Variants in TRDN observed in about 807,000 individuals in gnomAD.
TRDN encodes triadin in skeletal muscle.
Under a neutral mutation model 149.7 loss-of-function variants are expected in TRDN, and 161 were observed. That is an observed-to-expected ratio of 1.08 (90% CI 0.95 to 1.23). The LOEUF (loss-of-function observed/expected upper bound fraction) is 1.23, where lower values mean the gene tolerates loss of function less well. Among genes scored for constraint, TRDN ranks in the 50% most tolerant of loss-of-function variants. TRDN has a pLI of 0.00. For synonymous variants in TRDN, 294 were observed against 250.5 expected, an observed-to-expected ratio of 1.17 and a Z score of -1.64; for missense variants, 896 against 823.5, an observed-to-expected ratio of 1.09 and a Z score of -1.08.
chr6:123,624,387 T>A (rs527687347), intron 1 of TRDN, among the ~76,000 whole-genome samples: 1 of 152,270 alleles, frequency 6.6e-6, no homozygotes, highest in East Asian at 1.9e-4. Context: ...TCTGGTCTAC[T>A]TAATTCAAGA....
chr6:123,231,020 C>G (rs1363312087), intron 38 of TRDN, among the ~76,000 whole-genome samples: 4 of 151,898 alleles, frequency 2.6e-5, no homozygotes, highest in African/African-American at 9.7e-5. Context: ...GAACTTTGAG[C>G]CCCAAAGTAT....
chr6:123,315,244 T>C (rs528845856), intron 24 of TRDN, among the ~76,000 whole-genome samples: 60 of 152,078 alleles, frequency 3.9e-4, no homozygotes, highest in African/African-American at 1.3e-3. Flanking sequence ...TTTTTCCTTT[T>C]CTGAAGATAT....
chr6:123,586,700 G>A (rs1783504795), intron 1 of TRDN, among the ~76,000 whole-genome samples: 1 of 151,958 alleles, frequency 6.6e-6, no homozygotes, highest in Non-Finnish European at 1.5e-5. Flanking sequence ...GAGGTTTTAA[G>A]TTCTTAAGAA....
In TRDN at chr6:123,565,660, T is replaced by A. The variant is rs1285940913; in HGVS notation, c.232+5263A>T. ...CCATTATTTATTGTCTGAAGGTTGG[T>A]GTAGGGCAGGTGCTTTTGCAGCTCA... is the stretch of plus-strand genomic sequence containing the variant. On this transcript the variant is annotated intron_variant, in intron 2 of 40. Transcript: ENST00000334268. Among the ~76,000 whole-genome samples, 5 of 152,188 alleles carry A rather than the reference T, an allele frequency of 3.3e-5. No individual in the cohort carries two copies. The South Asian group carries it at 8.3e-4, about 25-fold the overall frequency.
chr6:123,562,682 T>A (rs1270827641), intron 2 of TRDN, among the ~76,000 whole-genome samples: 1 of 152,066 alleles, frequency 6.6e-6, no homozygotes, highest in African/African-American at 2.4e-5. Context: ...AAATAAAGGG[T>A]AGGATGCAAA....
At chr6:123,469,804 C>T (rs1351863582) in intron 9 of TRDN, 3 of 152,276 alleles carry the variant, frequency 2.0e-5, no homozygotes, top group East Asian at 1.9e-4. Flanking sequence ...AAGGCAGATG[C>T]GTAGAGAGAC....
intron 30 of TRDN, 62 bp from the exon 31 acceptor site, chr6:123,269,928 T>C: frequency 6.6e-7 from 1 of 1,511,664 alleles, no homozygotes; most frequent in Non-Finnish European, 9.0e-7. Context: ...AAAAAATAAC[T>C]GTTTAGTATT....
intron 12 of TRDN, among the ~76,000 whole-genome samples, chr6:123,413,429 A>G (rs903754763): frequency 3.3e-5 from 5 of 152,234 alleles, no homozygotes; most frequent in African/African-American, 1.2e-4. Flanking sequence ...GTGAAATACC[A>G]GAAAGTACTG....
chr6:123,281,369 G>C (rs981504239), intron 24 of TRDN, among the ~76,000 whole-genome samples: 1 of 151,982 alleles, frequency 6.6e-6, no homozygotes, highest in African/African-American at 2.4e-5. Flanking sequence ...CCCACCTACT[G>C]CTCTTAACAT....
intron 38 of TRDN, among the ~76,000 whole-genome samples, chr6:123,238,421 G>A (rs1775867753): frequency 6.6e-6 from 1 of 152,076 alleles, no homozygotes; most frequent in South Asian, 2.1e-4. Flanking sequence ...TGGTTAAAAT[G>A]TAAGGATAAT....
intron 38 of TRDN, among the ~76,000 whole-genome samples, chr6:123,236,288 TA>T (rs1202975893): frequency 2.6e-5 from 4 of 152,228 alleles, no homozygotes; most frequent in African/African-American, 9.6e-5. Context: ...TTCTGGCTCT[TA>T]TTTGCTATTC....
chr6:123,313,723 A>G (rs527337872), intron 24 of TRDN, among the ~76,000 whole-genome samples: 5 of 152,020 alleles, frequency 3.3e-5, no homozygotes, highest in East Asian at 1.9e-4. Context: ...CACACCTACA[A>G]CTATCTGATC....
intron 24 of TRDN, among the ~76,000 whole-genome samples, chr6:123,286,498 T>C (rs1339505204): frequency 6.6e-6 from 1 of 151,860 alleles, no homozygotes; most frequent in Non-Finnish European, 1.5e-5. Context: ...GGCATAAGAA[T>C]GAAACAATGC....
rs1442431630 is a variant in TRDN at position 123,224,104 on chromosome 6, T to C, written c.2003A>G (p.Lys668Arg). The C allele has an allele frequency of 6.2e-7, 1 of 1,610,668 alleles. No homozygotes were observed. Among genetic ancestry groups the C allele is most frequent in the African/African-American group, 1.3e-5 (1 of 74,718 alleles). The part of the protein sequence containing the change: ...SKDVEDVPAS[K>R]KAKEGTEDVS... Reference sequence around the variant, plus strand: ...GACAGCAAACTCACCTTTAGCTTTCTTTGAAGCTGGTACATCTTCAACATC... The same window carrying C: ...GACAGCAAACTCACCTTTAGCTTTCCTTGAAGCTGGTACATCTTCAACATC... Residue 668 changes from lysine to arginine, a missense_variant, in exon 39 of 41, where the codon AAG (lysine) becomes AGG (arginine). Transcript: ENST00000334268.
chr6:123,536,896 AC>A (rs1411109278), intron 4 of TRDN, among the ~76,000 whole-genome samples: 1 of 151,832 alleles, frequency 6.6e-6, no homozygotes, highest in Non-Finnish European at 1.5e-5. Context: ...AATAAATAGA[AC>A]AATAAAAGAG....
intron 21 of TRDN, among the ~76,000 whole-genome samples, chr6:123,347,414 T>C (rs1355789281): frequency 6.6e-6 from 1 of 152,070 alleles, no homozygotes; most frequent in African/African-American, 2.4e-5. Flanking sequence ...ACTTTCTATA[T>C]CCTGTGTGCC....
intron 23 of TRDN, among the ~76,000 whole-genome samples, chr6:123,323,997 T>C (rs534355669): frequency 6.6e-6 from 1 of 152,298 alleles, no homozygotes; most frequent in Non-Finnish European, 1.5e-5. Context: ...GTGATGTTAT[T>C]TGAAGATGGC....
chr6:123,549,345 A>G (rs1781273942), intron 2 of TRDN, among the ~76,000 whole-genome samples: 1 of 152,074 alleles, frequency 6.6e-6, no homozygotes, highest in African/African-American at 2.4e-5. Context: ...TATTCTTCCA[A>G]TCATATGAAA....
chr6:123,234,306 T>C (rs1226088272), intron 38 of TRDN, among the ~76,000 whole-genome samples: 1 of 152,116 alleles, frequency 6.6e-6, no homozygotes, highest in Admixed American at 6.6e-5. Flanking sequence ...ATATCATATA[T>C]ATGTGTGTGC....
Sources: gnomAD v4.1 joint callset for allele counts (sites outside exome capture counted in the v4.1 genomes callset) on GRCh38, gnomAD v4.1.1 for gene constraint, MANE v1.5 for transcripts, NCBI Gene and HGNC (gene_info 2026-07-23, HGNC 2026-07-21) for gene names.